SYNJ2: variants seen among roughly 807,000 people sequenced by gnomAD.
SYNJ2 encodes the protein polyphosphatidylinositol phosphatase SYNJ2.
A neutral mutation model predicts 141.3 loss-of-function variants in SYNJ2; 116 were observed. That is an observed-to-expected ratio of 0.82 (90% CI 0.71 to 0.96). The LOEUF (loss-of-function observed/expected upper bound fraction) is 0.96, where lower values mean the gene tolerates loss of function less well. SYNJ2 is among the 40% of genes least tolerant of loss of function. SYNJ2 has a pLI of 0.00. For synonymous variants in SYNJ2, 745 were observed against 777.7 expected, an observed-to-expected ratio of 0.96 and a Z score of 0.70; for missense variants, 1,873 against 1,934.8, an observed-to-expected ratio of 0.97 and a Z score of 0.60.
chr6:158,069,596 C>T lies in SYNJ2; in HGVS notation c.1863C>T (p.Tyr621=). ...LQKAISRSHR[Y]ILLTSAQLVG... is the part of the protein sequence containing the mutation. ...AAGCCATCTCACGCTCTCATAGATA[C>T]ATTCTGTTGACTTCGGCACAGCTGG... Residue 621 remains tyrosine (Y), a synonymous_variant, in exon 14 of 27, where the codon TAC becomes TAT. Coordinates refer to ENST00000355585, the MANE Select transcript of SYNJ2 (RefSeq NM_003898.4). 6.2e-7 allele frequency: 1 copy of T among 1,614,076 alleles called. No individual in the cohort carries two copies.
At position 158,096,701 on chromosome 6, in the gene SYNJ2, AT is replaced by A; in HGVS notation, c.*338del. 5.0e-6 allele frequency: 1 copy of A among 198,248 alleles called. No homozygotes were observed. Among genetic ancestry groups the A allele is most frequent in the Non-Finnish European group, 1.0e-5 (1 of 98,572 alleles). 12.3% of individuals were successfully genotyped at this position (198,248 alleles called of 1,614,324 possible). The stretch of plus-strand genomic sequence containing the variant: ...GAATTTTTAAATGGCTGTTCAGTTC[AT>A]GTTGTACGTGATGGAGATTTGTCTT... On this transcript the variant is annotated 3_prime_UTR_variant, in exon 27 of 27. Coordinates refer to ENST00000355585, the MANE Select transcript of SYNJ2 (RefSeq NM_003898.4).
intron 22 of SYNJ2, among the ~76,000 whole-genome samples, chr6:158,086,364 C>A (rs1206937390): frequency 1.3e-5 from 2 of 152,106 alleles, no homozygotes; most frequent in African/African-American, 4.8e-5. Flanking sequence ...GCCATGGGCC[C>A]ACAGGGTTTG....
At chr6:158,083,051 G>T (rs1248044592) in intron 20 of SYNJ2, among the ~76,000 whole-genome samples, 1 of 151,976 alleles carries the variant, frequency 6.6e-6, no homozygotes, top group Non-Finnish European at 1.5e-5. Context: ...TCCTGCCTCA[G>T]CCTCCCGAGT....
In SYNJ2 at chr6:158,043,306, T is replaced by C. The variant is rs1218039063; in HGVS notation, c.712-10T>C. 11 of 1,613,092 alleles carry C rather than the reference T, an allele frequency of 6.8e-6. 1 individual carries two copies. The highest frequency in any genetic ancestry group is 9.3e-6 in the Non-Finnish European group (11 of 1,179,200). Reference sequence around the variant, plus strand: ...GAATACCTTTCCCTTTCTGTTTCCTTGTGCCGCAGATGATTTACATGGACG... The same window carrying C: ...GAATACCTTTCCCTTTCTGTTTCCTCGTGCCGCAGATGATTTACATGGACG... On this transcript the variant is annotated splice_polypyrimidine_tract_variant and intron_variant, in intron 4 of 26. Coordinates refer to ENST00000355585, the MANE Select transcript of SYNJ2 (RefSeq NM_003898.4). The surrounding 1 kb of genome is among the most constrained non-coding windows in gnomAD (Gnocchi z 4.0).
chr6:158,055,726 G>A (rs1219055136), intron 6 of SYNJ2, among the ~76,000 whole-genome samples: 1 of 152,156 alleles, frequency 6.6e-6, no homozygotes, highest in African/African-American at 2.4e-5. Flanking sequence ...TGTGTTAAGT[G>A]TTTGAGTCCT....
rs557902383 is a variant in SYNJ2 at position 157,982,163 on chromosome 6, C to T, written c.127+75C>T. ...TCGCCCAGCCTCGGGAAGACGGGTA[C>T]CCCCCCTTCCCGAGGGGATCGGGCG... On this transcript the variant is annotated intron_variant, in intron 1 of 26. Coordinates refer to ENST00000355585, the MANE Select transcript of SYNJ2 (RefSeq NM_003898.4). The surrounding 1 kb of genome is among the most constrained non-coding windows in gnomAD (Gnocchi z 4.0). 15 of 1,250,438 alleles carry T rather than the reference C, an allele frequency of 1.2e-5. No homozygotes were observed. Among genetic ancestry groups the T allele is most frequent in the Non-Finnish European group, 1.4e-5 (14 of 995,884 alleles). The allele number at this position is 1,250,438 out of a possible 1,614,324, so 77.5% of individuals were successfully genotyped here. A position where few individuals can be genotyped will look rare whatever the true frequency, so the allele number is the denominator to read the frequency against.
At chr6:158,024,168 T>A (rs1778917468) in intron 2 of SYNJ2, among the ~76,000 whole-genome samples, 1 of 152,186 alleles carries the variant, frequency 6.6e-6, no homozygotes, top group African/African-American at 2.4e-5. Flanking sequence ...CTCATGCCTG[T>A]AATCCCAGCA....
At position 158,071,496 on chromosome 6, in the gene SYNJ2, C is replaced by T. The variant is rs1285819009; in HGVS notation, c.1941-106C>T. On this transcript the variant is annotated intron_variant, in intron 14 of 26. Coordinates refer to ENST00000355585, the MANE Select transcript of SYNJ2 (RefSeq NM_003898.4). This position sits in a 1 kb window ranked among gnomAD's most constrained non-coding sequence, Gnocchi z 4.3. Reference sequence around the variant, plus strand: ...GTGTTGAGCTGATGATTTTGGAGCACTCAGAGCAGCAGGTCCCGAGCTGCT... The same window carrying T: ...GTGTTGAGCTGATGATTTTGGAGCATTCAGAGCAGCAGGTCCCGAGCTGCT... The T allele has an allele frequency of 2.2e-6, 3 of 1,337,228 alleles. No individual in the cohort carries two copies. The highest frequency in any genetic ancestry group is 2.3e-5 in the East Asian group (1 of 42,654). The allele number at this position is 1,337,228 out of a possible 1,614,324, so 82.8% of individuals were successfully genotyped here.
chr6:158,079,322 C>T (rs1782525163), intron 18 of SYNJ2: 2 of 151,438 alleles, frequency 1.3e-5, no homozygotes, highest in Admixed American at 1.3e-4. Flanking sequence ...ATGTCAGTTT[C>T]AACTTTTACA....
chr6:158,064,906 C>G lies in SYNJ2; in HGVS notation c.1440C>G (p.Ala480=). 6.2e-7 allele frequency: 1 copy of G among 1,613,804 alleles called. No individual in the cohort carries two copies. The highest frequency in any genetic ancestry group is 8.5e-7 in the Non-Finnish European group (1 of 1,179,902). The change falls in exon 11 of 27, where the codon GCC becomes GCG. Residue 480 remains alanine (A), a synonymous_variant. Transcript: ENST00000355585. ...SNFFDGVKQE[A]IKLLLVGDVY... The stretch of plus-strand genomic sequence containing the variant: ...TCTTCGACGGGGTGAAGCAGGAGGC[C>G]ATCAAGCTGCTGCTGGTTGGGGACG...
intron 2 of SYNJ2, among the ~76,000 whole-genome samples, chr6:158,018,152 G>A (rs1233872226): frequency 1.3e-5 from 2 of 152,180 alleles, no homozygotes; most frequent in African/African-American, 2.4e-5. Context: ...CCAGGAAGAC[G>A]TGGGCATCTC....
intron 12 of SYNJ2, chr6:158,067,881 G>T (rs979336945): frequency 1.0e-6 from 1 of 985,206 alleles, no homozygotes; most frequent in African/African-American, 1.7e-5. Context: ...GCCCATCAAC[G>T]CGGAGAGTGC....
chr6:158,053,825 C>T (rs775413255), intron 5 of SYNJ2, among the ~76,000 whole-genome samples: 15 of 150,886 alleles, frequency 9.9e-5, no homozygotes, highest in Non-Finnish European at 2.1e-4. Context: ...TCTACCCATT[C>T]ACCCACCCAT....
rs1163221902 is a variant in SYNJ2 at position 158,043,307 on chromosome 6, G to C, written c.712-9G>C. On this transcript the variant is annotated splice_polypyrimidine_tract_variant and intron_variant, in intron 4 of 26. Transcript: ENST00000355585. This position sits in a 1 kb window ranked among gnomAD's most constrained non-coding sequence, Gnocchi z 4.0. ...AATACCTTTCCCTTTCTGTTTCCTT[G>C]TGCCGCAGATGATTTACATGGACGA... The C allele has an allele frequency of 6.2e-7, 1 of 1,613,292 alleles. No individual in the cohort carries two copies. The highest frequency in any genetic ancestry group is 2.2e-5 in the East Asian group (1 of 44,872).
intron 5 of SYNJ2, among the ~76,000 whole-genome samples, chr6:158,050,869 G>T (rs1780528490): frequency 6.6e-6 from 1 of 151,932 alleles, no homozygotes; most frequent in Non-Finnish European, 1.5e-5. Context: ...TTCTGGTTAG[G>T]TGTCATCACC....
chr6:158,092,546 A>G (rs572710999), intron 25 of SYNJ2, among the ~76,000 whole-genome samples: 2 of 152,206 alleles, frequency 1.3e-5, no homozygotes, highest in African/African-American at 4.8e-5. Context: ...AGGCTGAGGT[A>G]AGAAGACTGC....
At chr6:158,094,237 A>G (rs535183686) in intron 26 of SYNJ2, 1 of 448,266 alleles carries the variant, frequency 2.2e-6, no homozygotes, top group African/African-American at 2.0e-5. Flanking sequence ...CCCTGTTCAG[A>G]TGCTCCTCGA....
At chr6:158,069,217 C>T (rs771614256) in intron 13 of SYNJ2, among the ~76,000 whole-genome samples, 2 of 152,068 alleles carry the variant, frequency 1.3e-5, no homozygotes, top group African/African-American at 2.4e-5. Context: ...CTCCCCCCAC[C>T]CCCTGCTGAA....
intron 16 of SYNJ2, among the ~76,000 whole-genome samples, chr6:158,075,639 C>CAAA (rs1202668490): frequency 7.3e-6 from 1 of 136,446 alleles, no homozygotes; most frequent in African/African-American, 2.7e-5. Context: ...AACTCCGTCT[C>CAAA]AAAAAAAAAA....
Sources: gnomAD v4.1 joint callset for allele counts (sites outside exome capture counted in the v4.1 genomes callset) on GRCh38, gnomAD v4.1.1 for gene constraint, Gnocchi (gnomAD v3.1) non-coding constraint, MANE v1.5 for transcripts, NCBI Gene and HGNC (gene_info 2026-07-23, HGNC 2026-07-21) for gene names.